Variants in NAV2 observed in about 807,000 individuals in gnomAD.
The protein encoded by NAV2 is helicase, APC down-regulated 1.
NAV2 carries 54 observed loss-of-function variants against 223.2 expected under a neutral mutation model. The observed-to-expected ratio is 0.24, with a 90% CI of 0.19 to 0.30. The LOEUF (loss-of-function observed/expected upper bound fraction) is 0.30. NAV2 is among the 10% of genes least tolerant of loss of function. The probability of loss-of-function intolerance (pLI) is 1.00; values close to 1 mark genes in which losing one functional copy is unlikely to be tolerated. For synonymous variants in NAV2, 1,279 were observed against 1,239.3 expected, an observed-to-expected ratio of 1.03 and a Z score of -0.67; for missense variants, 2,806 against 3,147.5, an observed-to-expected ratio of 0.89 and a Z score of 2.60.
At chr11:19,834,309 G>C (rs1195751969) in intron 2 of NAV2, among the ~76,000 whole-genome samples, 1 of 152,174 alleles carries the variant, frequency 6.6e-6, no homozygotes, top group Non-Finnish European at 1.5e-5. Flanking sequence ...GTGAAGCTTA[G>C]TAGTCCAATG....
At chr11:19,419,834 C>T (rs1850535104) in intron 1 of NAV2, among the ~76,000 whole-genome samples, 1 of 152,152 alleles carries the variant, frequency 6.6e-6, no homozygotes, top group Admixed American at 6.5e-5. Flanking sequence ...AGAAGGTAGG[C>T]CTGAAGTTTG....
intron 1 of NAV2, among the ~76,000 whole-genome samples, chr11:19,357,973 GA>G (rs574867579): frequency 2.0e-5 from 3 of 151,690 alleles, no homozygotes; most frequent in Non-Finnish European, 4.4e-5. Context: ...TCAGCACCAG[GA>G]AAAAAAACCT....
chr11:20,078,208 G>C lies in NAV2; in HGVS notation c.5179+104G>C, dbSNP rs570499620. The C allele has an allele frequency of 9.7e-6, 8 of 824,068 alleles. No homozygotes were observed. In the African/African-American group the frequency reaches 1.2e-4, roughly 13 times the overall value. 51.0% of individuals were successfully genotyped at this position (824,068 alleles called of 1,614,324 possible). ...CTCCTTGCTAGAAGACAGTGTCTGC[G>C]TAATTCAGCTCCATGTCAGGCAAGC... On this transcript the variant is annotated intron_variant, in intron 24 of 37. Coordinates refer to ENST00000349880, the MANE Select transcript of NAV2 (RefSeq NM_145117.5).
At chr11:20,023,145 T>C in intron 11 of NAV2, 1 of 1,551,502 alleles carries the variant, frequency 6.4e-7, no homozygotes, top group Non-Finnish European at 8.7e-7. Flanking sequence ...AGGACGATTT[T>C]CTAAAATTTC....
intron 32 of NAV2, among the ~76,000 whole-genome samples, chr11:20,102,159 G>A (rs1355566789): frequency 6.6e-6 from 1 of 152,174 alleles, no homozygotes; most frequent in Non-Finnish European, 1.5e-5. Flanking sequence ...ACCAGTAAGT[G>A]AAGGCTCCGC....
intron 1 of NAV2, among the ~76,000 whole-genome samples, chr11:19,384,418 G>C (rs1848957227): frequency 6.6e-6 from 1 of 152,220 alleles, no homozygotes; most frequent in Non-Finnish European, 1.5e-5. Context: ...TCATTGTGCA[G>C]ATGTTGACTT....
intron 5 of NAV2, among the ~76,000 whole-genome samples, chr11:19,885,244 G>A (rs1591063316): frequency 6.6e-6 from 1 of 152,272 alleles, no homozygotes; most frequent in South Asian, 2.1e-4. Context: ...TTACATCATT[G>A]TGCCCAAGGC....
At chr11:19,450,596 A>G (rs557320095) in intron 1 of NAV2, among the ~76,000 whole-genome samples, 3 of 152,332 alleles carry the variant, frequency 2.0e-5, no homozygotes, top group Admixed American at 6.5e-5. Context: ...AAAATGTCCT[A>G]TTAATAAAAA....
chr11:20,114,876 T>C (rs137886850), intron 37 of NAV2, 81 bp downstream of exon 37: 1 of 1,354,754 alleles, frequency 7.4e-7, no homozygotes, highest in African/African-American at 1.4e-5. Flanking sequence ...CCTCTGGAAA[T>C]ACAAAGGTGA....
chr11:19,852,925 C>T (rs1333469440), intron 3 of NAV2, among the ~76,000 whole-genome samples: 2 of 152,178 alleles, frequency 1.3e-5, no homozygotes, highest in Admixed American at 1.3e-4. Context: ...TAAGTGCTCT[C>T]AAGAAATGTG....
At chr11:19,627,364 G>A (rs938509495) in intron 1 of NAV2, among the ~76,000 whole-genome samples, 10 of 152,142 alleles carry the variant, frequency 6.6e-5, no homozygotes, top group African/African-American at 2.2e-4. Flanking sequence ...ACTCCAGCCT[G>A]GACAACAGAG....
intron 1 of NAV2, among the ~76,000 whole-genome samples, chr11:19,626,182 T>G (rs2047163877): frequency 1.3e-5 from 2 of 152,334 alleles, no homozygotes; most frequent in African/African-American, 4.8e-5. Flanking sequence ...TACGTTTAGG[T>G]ATTTGGCCAT....
chr11:19,660,069 G>A (rs1253734298), intron 1 of NAV2, among the ~76,000 whole-genome samples: 2 of 152,158 alleles, frequency 1.3e-5, no homozygotes, highest in Non-Finnish European at 2.9e-5. Context: ...GAAAGAAAAT[G>A]TTCTGGAGAG....
At chr11:20,000,450 G>C (rs562768525) in intron 11 of NAV2, among the ~76,000 whole-genome samples, 1 of 152,180 alleles carries the variant, frequency 6.6e-6, no homozygotes, top group African/African-American at 2.4e-5. Flanking sequence ...GAAGCTGCCT[G>C]GGGGAGGGCC....
chr11:19,971,488 G>A (rs1285838433), intron 10 of NAV2, among the ~76,000 whole-genome samples: 1 of 152,090 alleles, frequency 6.6e-6, no homozygotes, highest in Non-Finnish European at 1.5e-5. Context: ...TCCCTTTCCT[G>A]GCTCAGGGCA....
chr11:19,691,451 C>T (rs1415494843), intron 1 of NAV2, among the ~76,000 whole-genome samples: 2 of 152,180 alleles, frequency 1.3e-5, no homozygotes, highest in African/African-American at 2.4e-5. Flanking sequence ...AGACTTGCCA[C>T]GTTTCAAGTC....
At chr11:20,026,964 G>T (rs1042560898) in intron 11 of NAV2, among the ~76,000 whole-genome samples, 2 of 152,194 alleles carry the variant, frequency 1.3e-5, no homozygotes, top group African/African-American at 4.8e-5. Flanking sequence ...GAGTTTGGAG[G>T]ATTAACTGAA....
At chr11:19,415,377 C>G (rs1246754268) in intron 1 of NAV2, among the ~76,000 whole-genome samples, 2 of 152,186 alleles carry the variant, frequency 1.3e-5, no homozygotes, top group Non-Finnish European at 2.9e-5. Context: ...CACATACACC[C>G]TTCCAGGGTA....
chr11:19,915,458 T>A (rs1281107744), intron 6 of NAV2, among the ~76,000 whole-genome samples: 2 of 152,214 alleles, frequency 1.3e-5, no homozygotes, highest in Non-Finnish European at 2.9e-5. Context: ...TGCTGTGCCC[T>A]CCCTTCTCAC....
Sources: allele counts gnomAD v4.1 joint callset (sites outside exome capture counted in the v4.1 genomes callset), GRCh38; gene constraint gnomAD v4.1.1; transcripts MANE v1.5; gene names NCBI Gene and HGNC (gene_info 2026-07-23, HGNC 2026-07-21).